Variants in CLVS2 observed in about 807,000 individuals in gnomAD.
CLVS2 encodes the protein clavesin 2.
A neutral mutation model predicts 29.0 loss-of-function variants in CLVS2; 19 were observed. The observed-to-expected ratio is 0.66, with a 90% CI of 0.46 to 0.96. The LOEUF is 0.96. CLVS2 is among the 40% of genes least tolerant of loss of function. The probability of loss-of-function intolerance (pLI) is 0.00; values close to 1 mark genes in which losing one functional copy is unlikely to be tolerated. For synonymous variants in CLVS2, 161 were observed against 151.3 expected, an observed-to-expected ratio of 1.06 and a Z score of -0.47; for missense variants, 294 against 404.1, an observed-to-expected ratio of 0.73 and a Z score of 2.34.
chr6:123,068,534 G>A lies in CLVS2; in HGVS notation c.*4773G>A, dbSNP rs1022668347. The A allele has an allele frequency of 6.6e-6, 1 of 151,614 alleles. No homozygotes were observed. Among genetic ancestry groups the A allele is most frequent in the African/African-American group, 2.4e-5 (1 of 41,372 alleles). The allele number at this position is 151,614 out of a possible 1,614,324, so 9.4% of individuals were successfully genotyped here. On this transcript the variant is annotated 3_prime_UTR_variant, in exon 6 of 6. Coordinates refer to ENST00000275162, the MANE Select transcript of CLVS2 (RefSeq NM_001010852.4). ...ACTTTTAACAGAGATACAAAGCACT[G>A]TCTTGTTTCTAATCCAATTTTTCAA... is the stretch of plus-strand genomic sequence containing the variant.
In CLVS2 at chr6:123,033,703, T is replaced by A. The variant is rs576487930; in HGVS notation, c.565-14919T>A. ...CAGAGCATAATCAAAAAATAAAAAA[T>A]TGGTAAATTGAACCTCACCAAAATT... On this transcript the variant is annotated intron_variant, in intron 3 of 5. Coordinates refer to ENST00000275162, the MANE Select transcript of CLVS2 (RefSeq NM_001010852.4). 2.1e-3 allele frequency among the ~76,000 whole-genome samples: 315 copies of A among 152,098 alleles called. 1 individual carries two copies. The highest frequency in any genetic ancestry group is 6.9e-3 in the African/African-American group (288 of 41,536).
chr6:123,046,813 G>T (rs1205410576), intron 3 of CLVS2, among the ~76,000 whole-genome samples: 1 of 152,074 alleles, frequency 6.6e-6, no homozygotes, highest in African/African-American at 2.4e-5. Flanking sequence ...CAAGATGTTG[G>T]TTTCATCACA....
intron 3 of CLVS2, among the ~76,000 whole-genome samples, chr6:123,033,664 T>C (rs1444503613): frequency 6.6e-6 from 1 of 152,000 alleles, no homozygotes; most frequent in Non-Finnish European, 1.5e-5. Flanking sequence ...CAAAGAGTTC[T>C]TAGACTTGGT....
intron 1 of CLVS2, among the ~76,000 whole-genome samples, chr6:122,996,965 G>T (rs1023200544): frequency 6.6e-6 from 1 of 152,054 alleles, no homozygotes; most frequent in Admixed American, 6.5e-5. Context: ...GAAGTTGGGG[G>T]TGGGGTTGGG....
intron 2 of CLVS2, among the ~76,000 whole-genome samples, chr6:123,010,249 C>T (rs978558449): frequency 2.6e-5 from 4 of 152,010 alleles, no homozygotes; most frequent in African/African-American, 7.2e-5. Context: ...TAATCTCCAA[C>T]CAGTGTCTTT....
At chr6:123,041,126 G>A (rs1351118851) in intron 3 of CLVS2, among the ~76,000 whole-genome samples, 2 of 152,092 alleles carry the variant, frequency 1.3e-5, no homozygotes, top group African/African-American at 2.4e-5. Flanking sequence ...GTGAAATGAT[G>A]TTGTCTGATA....
chr6:123,062,874 A>G (rs1772798012), intron 5 of CLVS2, among the ~76,000 whole-genome samples: 1 of 152,212 alleles, frequency 6.6e-6, no homozygotes, highest in South Asian at 2.1e-4. Flanking sequence ...TACAGCTATT[A>G]AGATGGCAGC....
At chr6:123,043,540 T>C (rs2114348800) in intron 3 of CLVS2, among the ~76,000 whole-genome samples, 1 of 152,276 alleles carries the variant, frequency 6.6e-6, no homozygotes, top group South Asian at 2.1e-4. Flanking sequence ...ATAAAAATAT[T>C]TTAAAGGCTG....
At chr6:123,022,626 GA>G (rs978601996) in intron 3 of CLVS2, among the ~76,000 whole-genome samples, 2 of 152,032 alleles carry the variant, frequency 1.3e-5, no homozygotes, top group African/African-American at 4.8e-5. Context: ...GTAAAATATG[GA>G]AGAAATTTAT....
chr6:123,017,369 T>C (rs12660608), intron 3 of CLVS2, among the ~76,000 whole-genome samples: 42,477 of 151,924 alleles, frequency 0.28, 6,913 homozygotes, highest in East Asian at 0.7. Flanking sequence ...CCTATCTTTT[T>C]GAAAGTAAAC....
chr6:123,056,093 A>G, intron 5 of CLVS2, 67 bp downstream of exon 5: 1 of 1,054,292 alleles, frequency 9.5e-7, no homozygotes, highest in South Asian at 1.3e-5. Context: ...AGTCAAACTC[A>G]AAGCTTTCTG....
chr6:123,013,379 A>G (rs796727557), intron 3 of CLVS2, among the ~76,000 whole-genome samples: 83 of 152,192 alleles, frequency 5.5e-4, no homozygotes, highest in African/African-American at 1.7e-3. Context: ...AGTCAGTAAA[A>G]TGAAGAAATG....
chr6:123,056,961 G>C (rs1397041170), intron 5 of CLVS2, among the ~76,000 whole-genome samples: 1 of 152,122 alleles, frequency 6.6e-6, no homozygotes, highest in Non-Finnish European at 1.5e-5. Flanking sequence ...GACTCTCACA[G>C]CACTTTTATG....
intron 2 of CLVS2, among the ~76,000 whole-genome samples, chr6:123,008,990 T>A (rs1275397168): frequency 6.6e-6 from 1 of 152,154 alleles, no homozygotes; most frequent in Non-Finnish European, 1.5e-5. Context: ...TAATAGCCTA[T>A]CCTAAAGATT....
At chr6:123,022,000 C>A (rs759310513) in intron 3 of CLVS2, among the ~76,000 whole-genome samples, 16 of 151,988 alleles carry the variant, frequency 1.1e-4, no homozygotes, top group Non-Finnish European at 1.9e-4. Flanking sequence ...GTTTCTTTAG[C>A]TTTAAATTTG....
At chr6:123,016,825 C>G (rs1200259115) in intron 3 of CLVS2, among the ~76,000 whole-genome samples, 1 of 152,090 alleles carries the variant, frequency 6.6e-6, no homozygotes, top group Non-Finnish European at 1.5e-5. Flanking sequence ...CAGCGGCCAC[C>G]AATCTGCTAG....
chr6:123,055,036 T>A (rs1392862039), intron 4 of CLVS2, among the ~76,000 whole-genome samples: 1 of 152,154 alleles, frequency 6.6e-6, no homozygotes, highest in Non-Finnish European at 1.5e-5. Context: ...CCAGACTGGA[T>A]TCCATTTAGG....
intron 3 of CLVS2, among the ~76,000 whole-genome samples, chr6:123,040,984 C>G (rs1256429264): frequency 6.6e-6 from 1 of 151,912 alleles, no homozygotes; most frequent in Non-Finnish European, 1.5e-5. Flanking sequence ...TTTCCATAGG[C>G]AGGTGACAGT....
At chr6:123,049,406 C>T (rs1488539103) in intron 4 of CLVS2, among the ~76,000 whole-genome samples, 2 of 152,008 alleles carry the variant, frequency 1.3e-5, no homozygotes, top group Non-Finnish European at 1.5e-5. Context: ...TAAAATAAGT[C>T]TTGATGTACA....
Sources: gnomAD v4.1 joint callset for allele counts (sites outside exome capture counted in the v4.1 genomes callset) on GRCh38, gnomAD v4.1.1 for gene constraint, MANE v1.5 for transcripts, NCBI Gene and HGNC (gene_info 2026-07-23, HGNC 2026-07-21) for gene names.